Variants in RNF13 observed in about 807,000 individuals in gnomAD.
RNF13 encodes E3 ubiquitin-protein ligase RNF13.
A neutral mutation model predicts 37.7 loss-of-function variants in RNF13; 19 were observed. The ratio of observed to expected loss-of-function variants is 0.50; its 90% CI spans 0.35 to 0.74. RNF13 has a LOEUF of 0.74. RNF13 is among the 30% of genes least tolerant of loss of function. RNF13 has a pLI of 0.01. For synonymous variants in RNF13, 144 were observed against 157.8 expected, an observed-to-expected ratio of 0.91 and a Z score of 0.65; for missense variants, 375 against 453.0, an observed-to-expected ratio of 0.83 and a Z score of 1.56.
chr3:149,825,183 T>C (rs368143861), intron 1 of RNF13, among the ~76,000 whole-genome samples: 1 of 134,396 alleles, frequency 7.4e-6, no homozygotes, highest in Non-Finnish European at 1.7e-5. Context: ...CCAGCAACCC[T>C]TTTTTTTTTT....
At chr3:149,953,555 C>T (rs1024262970) in intron 8 of RNF13, among the ~76,000 whole-genome samples, 3 of 152,120 alleles carry the variant, frequency 2.0e-5, no homozygotes, top group Admixed American at 6.5e-5. Context: ...CTAGTAAATA[C>T]GTAGCTGCTT....
rs76420613 is a variant in RNF13 at position 149,870,600 on chromosome 3, G to A, written c.196-1429G>A. 3.9e-3 allele frequency among the ~76,000 whole-genome samples: 586 copies of A among 151,924 alleles called. 10 individuals carry two copies. Among genetic ancestry groups the A allele is most frequent in the Admixed American group, 0.017 (255 of 15,266 alleles). On this transcript the variant is annotated intron_variant, in intron 3 of 9. Transcript: ENST00000392894. ...GATTTAGCATTGGAGCAAAAACTTAGTGTTTGCAGAAAGGCACTCAGAGCA... is the reference window on the plus strand; with the variant it reads ...GATTTAGCATTGGAGCAAAAACTTAATGTTTGCAGAAAGGCACTCAGAGCA...
intron 8 of RNF13, among the ~76,000 whole-genome samples, chr3:149,953,432 T>C (rs1721533664): frequency 6.6e-6 from 1 of 152,212 alleles, no homozygotes; most frequent in African/African-American, 2.4e-5. Context: ...GAAATGTTTA[T>C]AAAAATATGA....
intron 3 of RNF13, among the ~76,000 whole-genome samples, chr3:149,869,698 C>T (rs556012351): frequency 6.6e-6 from 1 of 151,768 alleles, no homozygotes; most frequent in South Asian, 2.1e-4. Context: ...TCCCTGCTTG[C>T]TCTTGTTTCT....
At chr3:149,828,792 C>G (rs980218667) in intron 1 of RNF13, among the ~76,000 whole-genome samples, 11 of 152,162 alleles carry the variant, frequency 7.2e-5, no homozygotes, top group Non-Finnish European at 1.3e-4. Flanking sequence ...ACAGTGCTTT[C>G]CAAATTTGAC....
intron 1 of RNF13, among the ~76,000 whole-genome samples, chr3:149,816,902 G>C (rs761072377): frequency 6.6e-6 from 1 of 152,124 alleles, no homozygotes; most frequent in Non-Finnish European, 1.5e-5. Flanking sequence ...GAAAGATGTT[G>C]ACATTATAAT....
chr3:149,880,328 T>G (rs1287112375), intron 4 of RNF13, among the ~76,000 whole-genome samples: 1 of 152,146 alleles, frequency 6.6e-6, no homozygotes, highest in Non-Finnish European at 1.5e-5. Flanking sequence ...CCTATCAGTG[T>G]CTAAAAAATA....
chr3:149,939,995 A>G (rs1720095172), intron 8 of RNF13, among the ~76,000 whole-genome samples: 1 of 152,266 alleles, frequency 6.6e-6, no homozygotes, highest in South Asian at 2.1e-4. Context: ...TAGCATATTT[A>G]GGACATAGAT....
intron 8 of RNF13, among the ~76,000 whole-genome samples, chr3:149,942,534 T>C (rs1720377840): frequency 6.6e-6 from 1 of 152,202 alleles, no homozygotes; most frequent in Non-Finnish European, 1.5e-5. Context: ...TAATTTCCTT[T>C]GTGAATTGAT....
intron 1 of RNF13, among the ~76,000 whole-genome samples, chr3:149,844,626 G>A (rs776209332): frequency 2.6e-5 from 4 of 152,314 alleles, no homozygotes; most frequent in South Asian, 2.1e-4. Flanking sequence ...AGATGCCAGC[G>A]AGGGGCCAAC....
intron 8 of RNF13, among the ~76,000 whole-genome samples, chr3:149,924,773 T>G (rs1237948040): frequency 1.3e-5 from 2 of 152,152 alleles, no homozygotes; most frequent in Non-Finnish European, 2.9e-5. Context: ...AATGGGGTCA[T>G]AGCTGCTGGG....
In RNF13 at chr3:149,860,300, T is replaced by TATATATATATATAAAA. The variant is rs1467450547; in HGVS notation, c.195+7705_195+7706insTATATATATATAAAAA. 1.6e-5 allele frequency among the ~76,000 whole-genome samples: 2 copies of TATATATATATATAAAA among 128,746 alleles called. 1 individual carries two copies. Among genetic ancestry groups the TATATATATATATAAAA allele is most frequent in the African/African-American group, 5.8e-5 (2 of 34,394 alleles). The allele number at this position is 128,746 out of a possible 152,430, so 84.5% of individuals were successfully genotyped here. A position where few individuals can be genotyped will look rare whatever the true frequency, so the allele number is the denominator to read the frequency against. On this transcript the variant is annotated intron_variant, in intron 3 of 9. Coordinates refer to ENST00000392894, the MANE Select transcript of RNF13 (RefSeq NM_183381.3). ...ATATATATATATATATATATATATA[T>TATATATATATATAAAA]AACGTGTATATATAATGTATTTATA...
At chr3:149,819,222 T>C (rs1719787900) in intron 1 of RNF13, among the ~76,000 whole-genome samples, 1 of 152,224 alleles carries the variant, frequency 6.6e-6, no homozygotes, top group Non-Finnish European at 1.5e-5. Flanking sequence ...TGAGCTTCCA[T>C]TGAATAAGCA....
intron 8 of RNF13, among the ~76,000 whole-genome samples, chr3:149,932,454 G>A (rs1394087526): frequency 2.0e-5 from 3 of 152,052 alleles, no homozygotes; most frequent in African/African-American, 4.8e-5. Flanking sequence ...TGAGACTCAA[G>A]ACACATTTCT....
chr3:149,822,901 A>G (rs1366290153), intron 1 of RNF13, among the ~76,000 whole-genome samples: 1 of 152,170 alleles, frequency 6.6e-6, no homozygotes, highest in Non-Finnish European at 1.5e-5. Flanking sequence ...TAATTTGAAT[A>G]TGTAAATTAC....
intron 3 of RNF13, among the ~76,000 whole-genome samples, chr3:149,862,017 T>C (rs936236538): frequency 6.6e-6 from 1 of 152,152 alleles, no homozygotes; most frequent in South Asian, 2.1e-4. Flanking sequence ...TGAACTTATG[T>C]AGACACATTC....
chr3:149,945,367 G>A (rs968701840), intron 8 of RNF13, among the ~76,000 whole-genome samples: 1 of 152,146 alleles, frequency 6.6e-6, no homozygotes, highest in Non-Finnish European at 1.5e-5. Flanking sequence ...AGGCTGGGGG[G>A]TGGGGGGTGC....
At chr3:149,946,110 A>G (rs1000289938) in intron 8 of RNF13, among the ~76,000 whole-genome samples, 4 of 152,240 alleles carry the variant, frequency 2.6e-5, no homozygotes, top group African/African-American at 9.6e-5. Context: ...CAGACGATCA[A>G]ATTTCTCCGA....
intron 8 of RNF13, among the ~76,000 whole-genome samples, chr3:149,934,193 T>A (rs879741401): frequency 5.3e-5 from 8 of 152,284 alleles, no homozygotes; most frequent in Admixed American, 4.6e-4. Context: ...TCTCTGATGA[T>A]CATTATATTC....
Sources: gnomAD v4.1 joint callset for allele counts (sites outside exome capture counted in the v4.1 genomes callset) on GRCh38, gnomAD v4.1.1 for gene constraint, MANE v1.5 for transcripts, NCBI Gene and HGNC (gene_info 2026-07-23, HGNC 2026-07-21) for gene names.